CNN3: variants seen among roughly 807,000 people sequenced by gnomAD.
CNN3 encodes calponin 3.
In CNN3, 11 loss-of-function variants were observed where a neutral mutation model predicts 39.0. The observed-to-expected ratio is 0.28, with a 90% CI of 0.18 to 0.47. The LOEUF is 0.47. Ranked by LOEUF, CNN3 falls within the 20% of genes least tolerant of loss-of-function variation. The probability of loss-of-function intolerance (pLI) is 0.99; values close to 1 mark genes in which losing one functional copy is unlikely to be tolerated. For synonymous variants in CNN3, 101 were observed against 138.3 expected (o/e 0.73, Z 1.89); for missense variants, 266 against 403.4 (o/e 0.66, Z 2.92).
chr1:94,914,912 C>CT (rs1671246595), intron 1 of CNN3, among the ~76,000 whole-genome samples: 1 of 151,322 alleles, frequency 6.6e-6, no homozygotes, highest in Non-Finnish European at 1.5e-5. Flanking sequence ...TCAAGACAGT[C>CT]TTGCTCTGTC....
At chr1:94,900,245 A>C (rs915004572) in intron 5 of CNN3, among the ~76,000 whole-genome samples, 4 of 152,208 alleles carry the variant, frequency 2.6e-5, no homozygotes, top group African/African-American at 7.2e-5. Flanking sequence ...TACTAATATA[A>C]AATCTGTTCA....
chr1:94,925,875 T>TC (rs1012514009), intron 1 of CNN3: 3 of 952,880 alleles, frequency 3.1e-6, no homozygotes, highest in Admixed American at 6.2e-5. Context: ...GGCTGGTCTC[T>TC]CCCCCCAGAA....
intron 1 of CNN3, among the ~76,000 whole-genome samples, chr1:94,915,198 T>C (rs1458743076): frequency 6.6e-6 from 1 of 152,012 alleles, no homozygotes; most frequent in Non-Finnish European, 1.5e-5. Flanking sequence ...AGCCATTAGG[T>C]TCATTTTGCT....
intron 1 of CNN3, among the ~76,000 whole-genome samples, chr1:94,918,689 T>C (rs1216954908): frequency 6.6e-6 from 1 of 151,034 alleles, no homozygotes; most frequent in Non-Finnish European, 1.5e-5. Flanking sequence ...AGGTCAGGAG[T>C]TCAAAACCAT....
intron 1 of CNN3, among the ~76,000 whole-genome samples, chr1:94,911,900 T>A (rs1394143751): frequency 6.6e-6 from 1 of 152,092 alleles, no homozygotes; most frequent in Non-Finnish European, 1.5e-5. Flanking sequence ...TGAAACCCTG[T>A]TTCTACTACA....
At chr1:94,902,322 T>C in intron 3 of CNN3, 64 bp from the exon 4 acceptor site, 2 of 1,457,102 alleles carry the variant, frequency 1.4e-6, no homozygotes, top group East Asian at 4.7e-5. Context: ...TTTCTAAGAA[T>C]TCCAAGTCTT....
At chr1:94,906,456 T>C (rs1557910185) in intron 1 of CNN3, among the ~76,000 whole-genome samples, 1 of 145,146 alleles carries the variant, frequency 6.9e-6, no homozygotes, top group Non-Finnish European at 1.5e-5. Context: ...CAAATACTAA[T>C]TGTAAGGTGA....
At chr1:94,918,907 A>G (rs1349604988) in intron 1 of CNN3, among the ~76,000 whole-genome samples, 1 of 150,888 alleles carries the variant, frequency 6.6e-6, no homozygotes, top group Non-Finnish European at 1.5e-5. Context: ...AAAAAAAAAA[A>G]GTTCATAAGA....
intron 1 of CNN3, among the ~76,000 whole-genome samples, chr1:94,917,810 T>A (rs1231486719): frequency 6.6e-6 from 1 of 152,178 alleles, no homozygotes; most frequent in African/African-American, 2.4e-5. Flanking sequence ...ACTTTTCTAT[T>A]TTGGAACTGT....
intron 1 of CNN3, among the ~76,000 whole-genome samples, chr1:94,925,458 C>A (rs1671550926): frequency 6.6e-6 from 1 of 152,212 alleles, no homozygotes; most frequent in African/African-American, 2.4e-5. Flanking sequence ...TGTTAGCAAA[C>A]TGTTGTCTAA....
At chr1:94,920,360 A>G (rs1365738655) in intron 1 of CNN3, among the ~76,000 whole-genome samples, 1 of 152,210 alleles carries the variant, frequency 6.6e-6, no homozygotes, top group Non-Finnish European at 1.5e-5. Context: ...CAGAAATCTC[A>G]GGCAGATACA....
At chr1:94,899,269 T>A in intron 6 of CNN3, 102 bp downstream of exon 6, 2 of 1,242,306 alleles carry the variant, frequency 1.6e-6, no homozygotes, top group Non-Finnish European at 2.2e-6. Flanking sequence ...CCTGAAGGAA[T>A]ATACTCTAAA....
intron 1 of CNN3, among the ~76,000 whole-genome samples, chr1:94,910,184 T>C (rs1483551811): frequency 6.6e-6 from 1 of 152,184 alleles, no homozygotes; most frequent in Non-Finnish European, 1.5e-5. Context: ...CAACATTAGC[T>C]TCTGTTTTTC....
At chr1:94,925,790 C>T (rs1671561066) in intron 1 of CNN3, 1 of 985,322 alleles carries the variant, frequency 1.0e-6, no homozygotes. Context: ...CCACAGGCAG[C>T]CCTCCTTTGT....
At chr1:94,922,583 A>G (rs1286094820) in intron 1 of CNN3, among the ~76,000 whole-genome samples, 2 of 152,222 alleles carry the variant, frequency 1.3e-5, no homozygotes. Context: ...GTTTAAAAAG[A>G]AAAAAGCTAA....
intron 1 of CNN3, among the ~76,000 whole-genome samples, chr1:94,908,080 T>G (rs1671056174): frequency 6.6e-6 from 1 of 152,168 alleles, no homozygotes; most frequent in South Asian, 2.1e-4. Context: ...GACAGCCTTC[T>G]TTGCATCAAG....
rs529327200 is a variant in CNN3 at position 94,915,530 on chromosome 1, G to C, written c.57+11308C>G. Among the ~76,000 whole-genome samples, 168 of 152,308 alleles carry C rather than the reference G, an allele frequency of 1.1e-3. 2 individuals carry two copies. The highest frequency in any genetic ancestry group is 3.9e-3 in the African/African-American group (163 of 41,568). ...AATTGTAATGCAATCTGAGAGCATGGATGAGGGAGAAAATAAGTTACCCTG... is the reference window on the plus strand; with the variant it reads ...AATTGTAATGCAATCTGAGAGCATGCATGAGGGAGAAAATAAGTTACCCTG... On this transcript the variant is annotated intron_variant, in intron 1 of 6. Coordinates refer to ENST00000370206, the MANE Select transcript of CNN3 (RefSeq NM_001839.5).
intron 1 of CNN3, among the ~76,000 whole-genome samples, chr1:94,916,237 T>C (rs1671276855): frequency 6.6e-6 from 1 of 152,134 alleles, no homozygotes; most frequent in Admixed American, 6.5e-5. Context: ...AAACCCTGTC[T>C]CTACGAAAAA....
intron 1 of CNN3, among the ~76,000 whole-genome samples, chr1:94,906,001 G>T (rs1238469396): frequency 3.3e-5 from 5 of 151,156 alleles, no homozygotes; most frequent in African/African-American, 7.3e-5. Context: ...ATTTTTTTTT[G>T]AGATGGAGTC....
Sources: allele counts gnomAD v4.1 joint callset (sites outside exome capture counted in the v4.1 genomes callset), GRCh38; gene constraint gnomAD v4.1.1; transcripts MANE v1.5; gene names NCBI Gene and HGNC (gene_info 2026-07-23, HGNC 2026-07-21).